TBC1D19: variants seen among roughly 807,000 people sequenced by gnomAD.
The protein encoded by TBC1D19 is TBC1 domain family, member 19.
A neutral mutation model predicts 89.0 loss-of-function variants in TBC1D19; 60 were observed. The ratio of observed to expected loss-of-function variants is 0.67; its 90% CI spans 0.55 to 0.84. The LOEUF (loss-of-function observed/expected upper bound fraction) is 0.84. Ranked by LOEUF, TBC1D19 falls within the 40% of genes least tolerant of loss-of-function variation. TBC1D19 has a pLI of 0.00. For synonymous variants in TBC1D19, 189 were observed against 199.7 expected (o/e 0.95, Z 0.45); for missense variants, 500 against 610.8 (o/e 0.82, Z 1.91).
chr4:26,741,636 T>C (rs896097008), intron 17 of TBC1D19, among the ~76,000 whole-genome samples: 1 of 151,878 alleles, frequency 6.6e-6, no homozygotes, highest in East Asian at 1.9e-4. Flanking sequence ...TCCTTTTTTT[T>C]TTTTTTATTC....
At chr4:26,787,660 A>C in the TBC1D19 span, among the ~76,000 whole-genome samples, 3 of 151,974 alleles carry the variant, frequency 2.0e-5, no homozygotes, top group Non-Finnish European at 4.4e-5. Flanking sequence ...AGGACTTGAC[A>C]TGCTTTTCAT....
At chr4:26,759,915 A>G (rs1046737200), downstream of TBC1D19, among the ~76,000 whole-genome samples, 15 of 152,204 alleles carry the variant, frequency 9.9e-5, no homozygotes, top group African/African-American at 3.4e-4. Context: ...AGCTACTATA[A>G]ACATTTGTGC....
At chr4:26,732,962 C>T (rs114739543) in intron 15 of TBC1D19, among the ~76,000 whole-genome samples, 1 of 152,306 alleles carries the variant, frequency 6.6e-6, no homozygotes, top group Non-Finnish European at 1.5e-5. Flanking sequence ...CAGTGTTAAA[C>T]ACTTGAAAAG....
chr4:26,586,558 G>A (rs189836716), intron 1 of TBC1D19, among the ~76,000 whole-genome samples: 1,930 of 151,584 alleles, frequency 0.013, 33 homozygotes, highest in African/African-American at 0.044. Flanking sequence ...GGGGAGAATC[G>A]AGATTTTTAG....
At chr4:26,777,323 T>G in the TBC1D19 span, among the ~76,000 whole-genome samples, 1 of 151,928 alleles carries the variant, frequency 6.6e-6, no homozygotes, top group Non-Finnish European at 1.5e-5. Context: ...TTAGTGGAGA[T>G]GGGGTTTCAT....
chr4:26,718,010 C>T lies in TBC1D19; in HGVS notation c.1032C>T (p.Tyr344=), dbSNP rs1716747319. The change falls in exon 14 of 21, where the codon TAC becomes TAT. Residue 344 remains tyrosine (Y), a synonymous_variant. Transcript: ENST00000264866. ...AFNSASPPKS[Y]IRGKLGLEEY... Reference sequence around the variant, plus strand: ...ACAGTGCCTCGCCACCAAAATCATACATAAGAGGTAAATTTTTAATAATTT... The same window carrying T: ...ACAGTGCCTCGCCACCAAAATCATATATAAGAGGTAAATTTTTAATAATTT... 6.2e-7 allele frequency: 1 copy of T among 1,608,234 alleles called. No individual in the cohort carries two copies. Among genetic ancestry groups the T allele is most frequent in the Non-Finnish European group, 8.5e-7 (1 of 1,176,204 alleles).
chr4:26,700,134 A>G (rs187581444), intron 13 of TBC1D19, among the ~76,000 whole-genome samples: 21 of 152,282 alleles, frequency 1.4e-4, no homozygotes, highest in Admixed American at 9.2e-4. Flanking sequence ...GCTCACCAAC[A>G]AATTTATAAT....
chr4:26,757,653 C>T (rs972110051), downstream of TBC1D19, among the ~76,000 whole-genome samples: 4 of 152,206 alleles, frequency 2.6e-5, no homozygotes, highest in South Asian at 2.1e-4. Flanking sequence ...CTTCACAACA[C>T]CCCATACTCA....
Position 26,745,459 on chromosome 4 carries a change from A to T in TBC1D19, c.1319+2860A>T, listed in dbSNP as rs569604680. Among the ~76,000 whole-genome samples the T allele has an allele frequency of 2.5e-4, 26 of 105,534 alleles. 1 individual carries two copies. The South Asian group carries it at 7.8e-3, about 32-fold the overall frequency. 69.2% of individuals were successfully genotyped at this position (105,534 alleles called of 152,430 possible). A position where few individuals can be genotyped will look rare whatever the true frequency, so the allele number is the denominator to read the frequency against. On this transcript the variant is annotated intron_variant, in intron 18 of 20. Coordinates refer to ENST00000264866, the MANE Select transcript of TBC1D19 (RefSeq NM_018317.4). ...TATTAGATTTTTATACTTTTAAAGT[A>T]TGTTTTTGATAGGTGCCATGAGGTT...
intron 16 of TBC1D19, among the ~76,000 whole-genome samples, chr4:26,737,260 T>G (rs554636328): frequency 3.9e-5 from 6 of 152,278 alleles, no homozygotes; most frequent in Admixed American, 6.5e-5. Context: ...TTTCATAACA[T>G]AATACATAAT....
chr4:26,644,236 G>A (rs749955714), intron 7 of TBC1D19, among the ~76,000 whole-genome samples: 5 of 151,974 alleles, frequency 3.3e-5, no homozygotes, highest in Admixed American at 6.6e-5. Context: ...AGATCAAGTC[G>A]GTTTCATCCC....
chr4:26,622,692 A>G (rs371040347), intron 4 of TBC1D19, among the ~76,000 whole-genome samples: 1 of 152,182 alleles, frequency 6.6e-6, no homozygotes, highest in Admixed American at 6.5e-5. Context: ...CATGAAAACT[A>G]TATGAATCAC....
chr4:26,723,702 A>G (rs558785872), intron 15 of TBC1D19, among the ~76,000 whole-genome samples: 21 of 152,138 alleles, frequency 1.4e-4, no homozygotes, highest in Admixed American at 3.3e-4. Flanking sequence ...TAAGCTTTTT[A>G]TATTTTTTGT....
chr4:26,679,881 G>A lies in TBC1D19; in HGVS notation c.817-3794G>A, dbSNP rs369370410. On this transcript the variant is annotated intron_variant, in intron 11 of 20. Transcript: ENST00000264866. ...TGTGAGGACACGAGATTTGGGAGGG[G>A]CCAGGGTAGAATGATATCATTTGGT... is the stretch of plus-strand genomic sequence containing the variant. Among the ~76,000 whole-genome samples, 18 of 152,336 alleles carry A rather than the reference G, an allele frequency of 1.2e-4. No homozygotes were observed. The East Asian group carries it at 2.5e-3, about 21-fold the overall frequency.
intron 13 of TBC1D19, among the ~76,000 whole-genome samples, chr4:26,701,181 T>A (rs1387673943): frequency 6.6e-6 from 1 of 152,136 alleles, no homozygotes; most frequent in Non-Finnish European, 1.5e-5. Flanking sequence ...TTACTTCATT[T>A]CTCAATTTTG....
intron 2 of TBC1D19, among the ~76,000 whole-genome samples, chr4:26,614,044 T>C (rs1741530214): frequency 6.6e-6 from 1 of 152,170 alleles, no homozygotes; most frequent in Non-Finnish European, 1.5e-5. Flanking sequence ...CAGGTGGCTG[T>C]TTTTTGCCGT....
intron 16 of TBC1D19, among the ~76,000 whole-genome samples, chr4:26,738,007 G>A (rs1443032873): frequency 6.6e-6 from 1 of 151,844 alleles, no homozygotes; most frequent in Non-Finnish European, 1.5e-5. Context: ...CTACAGTATA[G>A]TCTTTCATTG....
intron 1 of TBC1D19, among the ~76,000 whole-genome samples, chr4:26,594,614 T>C (rs1740075483): frequency 6.6e-6 from 1 of 152,176 alleles, no homozygotes; most frequent in Non-Finnish European, 1.5e-5. Context: ...ATGTAATGCA[T>C]GTCTCAATTA....
intron 1 of TBC1D19, among the ~76,000 whole-genome samples, chr4:26,578,639 T>C (rs1577736812): frequency 6.6e-6 from 1 of 150,518 alleles, no homozygotes; most frequent in South Asian, 2.1e-4. Context: ...TTGGAGGAGG[T>C]GAGAAGAGAG....
Sources: allele counts gnomAD v4.1 joint callset (sites outside exome capture counted in the v4.1 genomes callset), GRCh38; gene constraint gnomAD v4.1.1; transcripts MANE v1.5; gene names NCBI Gene and HGNC (gene_info 2026-07-23, HGNC 2026-07-21).